The following EML2 variants were observed in gnomAD, a reference collection of about 807,000 sequenced individuals.
EML2 encodes echinoderm microtubule-associated protein-like 2.
A neutral mutation model predicts 84.7 loss-of-function variants in EML2; 59 were observed. The observed-to-expected ratio is 0.70, with a 90% CI of 0.56 to 0.86. The LOEUF is 0.86. Among genes scored for constraint, EML2 ranks in the 40% least tolerant of loss-of-function variants. The pLI, the probability that EML2 is intolerant of heterozygous loss-of-function variation, is 0.00. For synonymous variants in EML2, 352 were observed against 348.9 expected, an observed-to-expected ratio of 1.01 and a Z score of -0.10; for missense variants, 818 against 855.6, an observed-to-expected ratio of 0.96 and a Z score of 0.55.
In EML2 at chr19:45,626,585, C is replaced by CA. The variant is rs778357294; in HGVS notation, c.741+119dup. On this transcript the variant is annotated intron_variant, in intron 8 of 18. Transcript: ENST00000245925. ...AAGAAACTGAGGCCCCAGCAGGCAA[C>CA]ATCTCAGCGTCCCTGTAATCCCAAA... 6.0e-5 allele frequency: 69 copies of CA among 1,152,624 alleles called. 1 individual carries two copies. Among genetic ancestry groups the CA allele is most frequent in the Admixed American group, 5.5e-4 (24 of 44,034 alleles). 71.4% of individuals were successfully genotyped at this position (1,152,624 alleles called of 1,614,324 possible).
upstream of EML2, chr19:45,642,603 C>A: frequency 1.7e-6 from 2 of 1,149,580 alleles, no homozygotes; most frequent in Admixed American, 7.7e-5. Context: ...TTGGGGAAGT[C>A]CCTTCCCTCT....
At chr19:45,623,900 G>T (rs1183575865) in intron 9 of EML2, among the ~76,000 whole-genome samples, 1 of 152,138 alleles carries the variant, frequency 6.6e-6, no homozygotes, top group Non-Finnish European at 1.5e-5. Context: ...GCCCTGGCTG[G>T]TCTCAAACTC....
chr19:45,641,820 C>A, upstream of EML2: 1 of 1,513,362 alleles, frequency 6.6e-7, no homozygotes, highest in South Asian at 1.2e-5. Context: ...AAGCGAGATT[C>A]TCCCTGCACC....
chr19:45,626,877 A>G (rs1972405189), intron 7 of EML2, 38 bp from the exon 8 acceptor site: 1 of 1,566,474 alleles, frequency 6.4e-7, no homozygotes, highest in Non-Finnish European at 8.7e-7. Flanking sequence ...GAGGACCTCA[A>G]AGTCCCCAAG....
At chr19:45,639,087 G>C (rs1241743304) in intron 1 of EML2, 1 of 736,270 alleles carries the variant, frequency 1.4e-6, no homozygotes. Flanking sequence ...GATCGCCAAA[G>C]ATCACACAGC....
At chr19:45,622,990 T>C (rs1329567705) in intron 9 of EML2, among the ~76,000 whole-genome samples, 9 of 139,610 alleles carry the variant, frequency 6.4e-5, no homozygotes, top group African/African-American at 2.2e-4. Flanking sequence ...GAACTTGCAG[T>C]GAGCTGAGAT....
At chr19:45,623,606 A>G (rs1013256016) in intron 9 of EML2, 2 of 151,012 alleles carry the variant, frequency 1.3e-5, no homozygotes, top group Non-Finnish European at 3.0e-5. Context: ...GCTGGAGTGC[A>G]GTGGTGCCAT....
intron 12 of EML2, 95 bp from the exon 13 acceptor site, chr19:45,617,792 G>T: frequency 1.8e-6 from 2 of 1,113,056 alleles, no homozygotes; most frequent in Non-Finnish European, 2.6e-6. Context: ...ATCTTTGCAT[G>T]AGGGCTCTCC....
chr19:45,644,102 A>G (rs1374882926), upstream of EML2, among the ~76,000 whole-genome samples: 1 of 152,232 alleles, frequency 6.6e-6, no homozygotes, highest in African/African-American at 2.4e-5. Flanking sequence ...CTGTGAGCTT[A>G]CATGTGCCAG....
chr19:45,616,419 G>A (rs1189651966), intron 15 of EML2, 42 bp downstream of exon 15: 1 of 1,487,108 alleles, frequency 6.7e-7, no homozygotes, highest in East Asian at 2.3e-5. Context: ...TGCACCCCCT[G>A]GGCGGGGTGG....
chr19:45,613,453 A>T, intron 18 of EML2, 88 bp downstream of exon 18: 1 of 1,490,834 alleles, frequency 6.7e-7, no homozygotes, highest in Non-Finnish European at 9.1e-7. Context: ...GGCTCAGAGA[A>T]GGGGTGGGGT....
upstream of EML2, chr19:45,644,787 AG>A (rs1235157018): frequency 2.0e-5 from 9 of 456,086 alleles, no homozygotes; most frequent in African/African-American, 1.8e-4. Context: ...AATGCATGGG[AG>A]GGCCAGGGCC....
intron 3 of EML2, among the ~76,000 whole-genome samples, chr19:45,636,253 C>T (rs1973710990): frequency 6.6e-6 from 1 of 152,202 alleles, no homozygotes; most frequent in South Asian, 2.1e-4. Context: ...GGATTACAGG[C>T]ATGAGCCAAT....
chr19:45,640,167 T>C (rs1351412317), upstream of EML2: 1 of 152,354 alleles, frequency 6.6e-6, no homozygotes, highest in East Asian at 1.9e-4. Context: ...TTGCGTGGCC[T>C]CCTAGCGCTG....
chr19:45,629,639 T>TA (rs1238182747), intron 7 of EML2, among the ~76,000 whole-genome samples: 1 of 150,490 alleles, frequency 6.6e-6, no homozygotes, highest in Non-Finnish European at 1.5e-5. Flanking sequence ...TTTTTTTTTT[T>TA]AAGTAGAGAT....
chr19:45,630,132 C>T, intron 6 of EML2, 86 bp from the exon 7 acceptor site: 2 of 977,664 alleles, frequency 2.0e-6, no homozygotes, highest in Non-Finnish European at 3.2e-6. Context: ...ATTCACCACA[C>T]AGGCCTGTTT....
rs1970817880 is a variant in EML2 at position 45,614,587 on chromosome 19, T to C, written c.1693+18A>G. 1.2e-6 allele frequency: 2 copies of C among 1,609,066 alleles called. No homozygotes were observed. The highest frequency in any genetic ancestry group is 8.5e-7 in the Non-Finnish European group (1 of 1,175,474). ...GAACTACTGTCCTCAGTGAGACCTC[T>C]CTCATTCCAGAACTCACCAAACACC... On this transcript the variant is annotated intron_variant, in intron 17 of 18. Transcript: ENST00000245925.
chr19:45,613,336 A>G (rs1219645835), intron 18 of EML2, among the ~76,000 whole-genome samples: 1 of 152,206 alleles, frequency 6.6e-6, no homozygotes, highest in Non-Finnish European at 1.5e-5. Flanking sequence ...TCAGAACTTC[A>G]GAGAACCAGG....
upstream of EML2, chr19:45,645,365 C>A (rs1031340798): frequency 3.3e-6 from 5 of 1,527,106 alleles, no homozygotes; most frequent in African/African-American, 7.0e-5. Flanking sequence ...ACCGCCGGCC[C>A]CCCCGGTCCC....
Sources: allele counts gnomAD v4.1 joint callset (sites outside exome capture counted in the v4.1 genomes callset), GRCh38; gene constraint gnomAD v4.1.1; transcripts MANE v1.5; gene names NCBI Gene and HGNC (gene_info 2026-07-23, HGNC 2026-07-21).